BRSK1: variants seen among roughly 807,000 people sequenced by gnomAD.
BRSK1 encodes BR serine/threonine kinase 1, also known as serine/threonine-protein kinase BRSK1.
Under a neutral mutation model 86.2 loss-of-function variants are expected in BRSK1, and 17 were observed. The observed-to-expected ratio is 0.20, with a 90% confidence interval of 0.14 to 0.30. The LOEUF is 0.30. Ranked by LOEUF, BRSK1 falls within the 10% of genes least tolerant of loss-of-function variation. The pLI is 1.00. For synonymous variants in BRSK1, 464 were observed against 440.1 expected, an observed-to-expected ratio of 1.05 and a Z score of -0.68; for missense variants, 719 against 1,071.9, an observed-to-expected ratio of 0.67 and a Z score of 4.60.
rs370676816 is a variant in BRSK1, at chr19:55,287,338, C to A, written c.317+39C>A. 1.0e-5 allele frequency: 16 copies of A among 1,594,196 alleles called. No homozygotes were observed. The South Asian group carries it at 1.3e-4, about 13-fold the overall frequency. Reference sequence around the variant, plus strand: ...GACACCCAGCCCTACCCCATCCTCCCTCTCCAGGTTACCAGGGTGGGACTT... The same window carrying A: ...GACACCCAGCCCTACCCCATCCTCCATCTCCAGGTTACCAGGGTGGGACTT... On this transcript the variant is annotated intron_variant, in intron 3 of 18. Transcript: ENST00000309383. This position sits in a 1 kb window ranked among gnomAD's most constrained non-coding sequence, Gnocchi z 5.3.
At position 55,289,595 on chromosome 19, in the gene BRSK1, G is replaced by C; in HGVS notation, c.433G>C (p.Asp145His). Residue 145 changes from aspartate to histidine, a missense_variant, in exon 4 of 19, where the codon GAC becomes CAC. By Grantham distance (81) the Asp-to-His change is moderately conservative (BLOSUM62 -1). This residue lies in a region of BRSK1 where 75 missense variants were observed against 281.0 expected (regional missense o/e 0.27). Transcript: ENST00000309383. Reference sequence around the variant, plus strand: ...CTTCCGCCAGATTGTGTCTGCGCTGGACTTCTGCCACAGCTACTCCATCTG... The same window carrying C: ...CTTCCGCCAGATTGTGTCTGCGCTGCACTTCTGCCACAGCTACTCCATCTG... ...KFFRQIVSAL[D>H]FCHSYSICHR... 2 of 1,614,114 alleles carry C rather than the reference G, an allele frequency of 1.2e-6. No individual in the cohort carries two copies. The highest frequency in any genetic ancestry group is 1.7e-6 in the Non-Finnish European group (2 of 1,180,004).
chr19:55,291,097 G>A lies in BRSK1; in HGVS notation c.458+1477G>A, dbSNP rs572007948. On this transcript the variant is annotated intron_variant, in intron 4 of 18. Transcript: ENST00000309383. ...AATTTTTGTATATGGTGTGAAGTAA[G>A]GGTTGAGTAAGGGTTATTTATTTAT... is the stretch of plus-strand genomic sequence containing the variant. Among the ~76,000 whole-genome samples the A allele has an allele frequency of 3.3e-5, 5 of 152,250 alleles. No homozygotes were observed. In the East Asian group the frequency reaches 7.7e-4, roughly 23 times the overall value.
intron 4 of BRSK1, among the ~76,000 whole-genome samples, chr19:55,292,723 A>T (rs2088426645): frequency 6.6e-6 from 1 of 151,568 alleles, no homozygotes; most frequent in Admixed American, 6.6e-5. Flanking sequence ...AATCCCAGCT[A>T]CTCGGGAGGC....
intron 1 of BRSK1, among the ~76,000 whole-genome samples, 167 bp from the exon 2 acceptor site, chr19:55,286,840 G>A (rs1437044899): frequency 6.6e-6 from 1 of 151,974 alleles, no homozygotes. Context: ...GTGGTTTTGT[G>A]GGAGTGTGGG....
At chr19:55,297,747 A>C (rs559524232) in intron 7 of BRSK1, among the ~76,000 whole-genome samples, 88 of 152,282 alleles carry the variant, frequency 5.8e-4, no homozygotes, top group African/African-American at 2.0e-3. Flanking sequence ...CAGTGTCCTC[A>C]TCTGCACCGT....
chr19:55,308,003 T>C (rs1164238495), intron 17 of BRSK1, among the ~76,000 whole-genome samples: 1 of 149,888 alleles, frequency 6.7e-6, no homozygotes, highest in Non-Finnish European at 1.5e-5. Flanking sequence ...TTTTCTTTTT[T>C]TTTGTTGTTG....
Position 55,312,533 on chromosome 19 carries a change from C to CAAAAAAAAAAAAAAAAAAAA in BRSK1, c.*475_*494dup, listed in dbSNP as rs372052269. On this transcript the variant is annotated 3_prime_UTR_variant, in exon 19 of 19. Coordinates refer to ENST00000309383, the MANE Select transcript of BRSK1 (RefSeq NM_032430.2). ...TCCGTGTCTCTGATTCCGCCGGCGG[C>CAAAAAAAAAAAAAAAAAAAA]AAAAAAAAAAAAAAAAAAAAAAAAA... 1 of 25,736 alleles carries CAAAAAAAAAAAAAAAAAAAA rather than the reference C, an allele frequency of 3.9e-5. No homozygotes were observed. Among genetic ancestry groups the CAAAAAAAAAAAAAAAAAAAA allele is most frequent in the African/African-American group, 1.8e-4 (1 of 5,646 alleles). The allele number at this position is 25,736 out of a possible 1,614,324, so 1.6% of individuals were successfully genotyped here. A position where few individuals can be genotyped will look rare whatever the true frequency, so the allele number is the denominator to read the frequency against.
In BRSK1 at chr19:55,303,641, A is replaced by G. The variant is rs1490806881; in HGVS notation, c.1127-26A>G. The G allele has an allele frequency of 1.9e-6, 3 of 1,574,740 alleles. No homozygotes were observed. The highest frequency in any genetic ancestry group is 2.6e-6 in the Non-Finnish European group (3 of 1,158,382). ...CACAGCTGGGTGAAACCATCTCTTG[A>G]TTGGGTTGAAACTGTTGTCCCTCAG... On this transcript the variant is annotated intron_variant, in intron 11 of 18. Transcript: ENST00000309383. The surrounding 1 kb of genome is among the most constrained non-coding windows in gnomAD (Gnocchi z 5.1).
chr19:55,309,496 G>T (rs938553449), intron 18 of BRSK1, among the ~76,000 whole-genome samples: 1 of 152,222 alleles, frequency 6.6e-6, no homozygotes, highest in African/African-American at 2.4e-5. Flanking sequence ...GGAAGTCCAA[G>T]ATCAAGCTGC....
Position 55,304,471 on chromosome 19 carries a change from A to T in BRSK1, c.1348-80A>T. The T allele has an allele frequency of 7.0e-7, 1 of 1,432,648 alleles. No homozygotes were observed. The highest frequency in any genetic ancestry group is 9.2e-7 in the Non-Finnish European group (1 of 1,081,588). The allele number at this position is 1,432,648 out of a possible 1,614,324, so 88.7% of individuals were successfully genotyped here. A position where few individuals can be genotyped will look rare whatever the true frequency, so the allele number is the denominator to read the frequency against. Reference sequence around the variant, plus strand: ...AGCATGCACCGGGCCAGCGTCCGTGAGTGTGCGTGTGAGTGGGGCTCCTAG... The same window carrying T: ...AGCATGCACCGGGCCAGCGTCCGTGTGTGTGCGTGTGAGTGGGGCTCCTAG... On this transcript the variant is annotated intron_variant, in intron 13 of 18. Transcript: ENST00000309383. This position sits in a 1 kb window ranked among gnomAD's most constrained non-coding sequence, Gnocchi z 5.2.
chr19:55,292,560 G>T (rs11666972), intron 4 of BRSK1, among the ~76,000 whole-genome samples: 1 of 151,570 alleles, frequency 6.6e-6, no homozygotes, highest in African/African-American at 2.4e-5. Flanking sequence ...CAGGCCGGGC[G>T]CGGTGGCTCA....
chr19:55,284,136 C>T lies in BRSK1; in HGVS notation c.-307C>T, dbSNP rs1275050027. 2.6e-6 allele frequency: 3 copies of T among 1,155,856 alleles called. No individual in the cohort carries two copies. The highest frequency in any genetic ancestry group is 3.3e-4 in the Middle Eastern group (1 of 3,050). 71.6% of individuals were successfully genotyped at this position (1,155,856 alleles called of 1,614,324 possible). On this transcript the variant is annotated 5_prime_UTR_variant, in exon 1 of 19. Transcript: ENST00000309383. The stretch of plus-strand genomic sequence containing the variant: ...AGCATCCGCCGGCCCGCACCTCAGA[C>T]CCCCCCGGCGGGGGGAGGCGCAGGA...
chr19:55,304,774 C>A lies in BRSK1; in HGVS notation c.1571C>A (p.Pro524His), dbSNP rs1453299590. 3.2e-6 allele frequency: 5 copies of A among 1,552,346 alleles called. No individual in the cohort carries two copies. The South Asian group carries it at 5.8e-5, about 18-fold the overall frequency. ...CCCTTGCACTCGCCTCTGCACACGC[C>A]CCGGGCCAGTCCCACCGGGACCCCG... Reference protein sequence around the residue: ...GTPLHSPLHTPRASPTGTPGT... With the variant: ...GTPLHSPLHTHRASPTGTPGT... The change falls in exon 14 of 19, where the codon CCC becomes CAC. Residue 524 changes from proline (P) to histidine (H), a missense_variant. Pro to His is a moderately conservative substitution (Grantham distance 77, BLOSUM62 -2). Transcript: ENST00000309383. This position sits in a 1 kb window ranked among gnomAD's most constrained non-coding sequence, Gnocchi z 5.2.
Position 55,304,749 on chromosome 19 carries a change from C to A in BRSK1, c.1546C>A (p.Pro516Thr), listed in dbSNP as rs1333387884. The change falls in exon 14 of 19, where the codon CCC becomes ACC. Residue 516 changes from proline to threonine, a missense_variant. By Grantham distance (38) the Pro-to-Thr change is conservative (BLOSUM62 -1). Transcript: ENST00000309383. The surrounding 1 kb of genome is among the most constrained non-coding windows in gnomAD (Gnocchi z 5.2). ...PGSPRSSGGTPLHSPLHTPRA... is the reference protein window; with the variant it reads ...PGSPRSSGGTTLHSPLHTPRA... ...CTCCCCGCGCTCCTCTGGCGGGACC[C>A]CCTTGCACTCGCCTCTGCACACGCC... The A allele has an allele frequency of 1.3e-6, 2 of 1,538,028 alleles. No homozygotes were observed. The highest frequency in any genetic ancestry group is 1.7e-6 in the Non-Finnish European group (2 of 1,146,838).
chr19:55,292,132 G>A (rs545032315), intron 4 of BRSK1, among the ~76,000 whole-genome samples: 1 of 152,190 alleles, frequency 6.6e-6, no homozygotes, highest in Non-Finnish European at 1.5e-5. Flanking sequence ...GGCCTCTAGG[G>A]GGAGATATTC....
At chr19:55,297,687 C>T (rs561560791) in intron 7 of BRSK1, among the ~76,000 whole-genome samples, 1 of 152,324 alleles carries the variant, frequency 6.6e-6, no homozygotes, top group South Asian at 2.1e-4. Flanking sequence ...CCCATCCAGC[C>T]GAGTTCCAAT....
At position 55,284,052 on chromosome 19, in the gene BRSK1, G is replaced by A; in HGVS notation, c.-391G>A. ...GGACGAGGTGGCGGGGGGAGGCGGAGAGGAGGAGGAGGCGGAGGAGAGAGG... is the reference window on the plus strand; with the variant it reads ...GGACGAGGTGGCGGGGGGAGGCGGAAAGGAGGAGGAGGCGGAGGAGAGAGG... On this transcript the variant is annotated 5_prime_UTR_variant, in exon 1 of 19. Coordinates refer to ENST00000309383, the MANE Select transcript of BRSK1 (RefSeq NM_032430.2). 4 of 1,219,110 alleles carry A rather than the reference G, an allele frequency of 3.3e-6. No homozygotes were observed. The highest frequency in any genetic ancestry group is 3.1e-6 in the Non-Finnish European group (3 of 976,354). The allele number at this position is 1,219,110 out of a possible 1,614,324, so 75.5% of individuals were successfully genotyped here.
chr19:55,304,281 A>G lies in BRSK1; in HGVS notation c.1347+171A>G, dbSNP rs2088614350. Among the ~76,000 whole-genome samples, 6 of 152,000 alleles carry G rather than the reference A, an allele frequency of 3.9e-5. No homozygotes were observed. The highest frequency in any genetic ancestry group is 3.9e-4 in the Admixed American group (6 of 15,250). On this transcript the variant is annotated intron_variant, in intron 13 of 18. Transcript: ENST00000309383. The surrounding 1 kb of genome is among the most constrained non-coding windows in gnomAD (Gnocchi z 5.2). ...GTATTTTGGTCCATTGGCCATTTCT[A>G]CCTCCTTAGGATTGCATGCCTGAAG...
chr19:55,307,747 TACACACACACACACACACAC>T (rs68176323), intron 17 of BRSK1, among the ~76,000 whole-genome samples: 2 of 88,118 alleles, frequency 2.3e-5, no homozygotes, highest in East Asian at 3.6e-4. Context: ...AAAAAATTTA[TACACACACACACACACACAC>T]ACACACACAC....
Sources: gnomAD v4.1 joint callset for allele counts (sites outside exome capture counted in the v4.1 genomes callset) on GRCh38, gnomAD v4.1.1 for gene constraint, gnomAD v4.1.1 regional missense constraint, Gnocchi (gnomAD v3.1) non-coding constraint, MANE v1.5 for transcripts, NCBI Gene and HGNC (gene_info 2026-07-23, HGNC 2026-07-21) for gene names.